Variants in NFATC2 observed in about 807,000 individuals in gnomAD.
NFATC2 encodes the protein nuclear factor of activated T cells 2, also known as nuclear factor of activated T-cells, cytoplasmic 2.
NFATC2 carries 22 observed loss-of-function variants against 87.3 expected under a neutral mutation model. The observed-to-expected ratio is 0.25, with a 90% confidence interval of 0.18 to 0.36. The LOEUF is 0.36. NFATC2 is among the 10% of genes least tolerant of loss of function. The probability of loss-of-function intolerance (pLI) is 1.00; values close to 1 mark genes in which losing one functional copy is unlikely to be tolerated. For synonymous variants in NFATC2, 565 were observed against 542.2 expected, an observed-to-expected ratio of 1.04 and a Z score of -0.58; for missense variants, 1,149 against 1,259.1, an observed-to-expected ratio of 0.91 and a Z score of 1.32.
At chr20:51,554,765 G>GAGTATC (rs1315748016) in intron 1 of NFATC2, among the ~76,000 whole-genome samples, 1 of 152,174 alleles carries the variant, frequency 6.6e-6, no homozygotes, top group Admixed American at 6.5e-5. Context: ...ACTGAGTCAT[G>GAGTATC]CTATTCCTGG....
intron 3 of NFATC2, among the ~76,000 whole-genome samples, chr20:51,504,521 T>C (rs566620722): frequency 6.6e-6 from 1 of 152,318 alleles, no homozygotes; most frequent in South Asian, 2.1e-4. Context: ...CGTTAAAGAT[T>C]TCCATTTCTT....
chr20:51,555,161 C>A (rs2076966767), intron 1 of NFATC2, among the ~76,000 whole-genome samples: 2 of 152,208 alleles, frequency 1.3e-5, no homozygotes, highest in African/African-American at 2.4e-5. Flanking sequence ...AGCATTCACT[C>A]TTACCTGGCT....
At chr20:51,479,628 A>T (rs561241402) in intron 3 of NFATC2, among the ~76,000 whole-genome samples, 57 of 152,220 alleles carry the variant, frequency 3.7e-4, no homozygotes, top group African/African-American at 1.2e-3. Flanking sequence ...TCAAACAAAT[A>T]AACCAACAAA....
At chr20:51,538,732 T>C (rs1227063031) in intron 1 of NFATC2, among the ~76,000 whole-genome samples, 1 of 152,180 alleles carries the variant, frequency 6.6e-6, no homozygotes, top group Non-Finnish European at 1.5e-5. Context: ...TAGTAACAGA[T>C]CACATGCTGT....
intron 10 of NFATC2, among the ~76,000 whole-genome samples, chr20:51,397,619 C>T (rs1987369256): frequency 6.6e-6 from 1 of 152,096 alleles, no homozygotes; most frequent in Non-Finnish European, 1.5e-5. Context: ...CTGAGGGACT[C>T]CCCAGGAGCC....
At chr20:51,487,790 G>A (rs1472267954) in intron 3 of NFATC2, among the ~76,000 whole-genome samples, 1 of 149,450 alleles carries the variant, frequency 6.7e-6, no homozygotes, top group Non-Finnish European at 1.5e-5. Context: ...AAAATTCTGA[G>A]TCACTTTTGC....
chr20:51,549,506 GC>G (rs1355984505), intron 1 of NFATC2, among the ~76,000 whole-genome samples: 7 of 152,354 alleles, frequency 4.6e-5, no homozygotes, highest in Admixed American at 3.9e-4. Flanking sequence ...TGACTTTCCT[GC>G]TGAAGGTCAA....
chr20:51,422,850 T>C (rs957237060), intron 9 of NFATC2, among the ~76,000 whole-genome samples: 13 of 152,184 alleles, frequency 8.5e-5, no homozygotes, highest in African/African-American at 2.9e-4. Flanking sequence ...GCACAGAGAA[T>C]AATCTAGTGT....
intron 5 of NFATC2, among the ~76,000 whole-genome samples, chr20:51,470,113 G>A (rs1988064190): frequency 6.6e-6 from 1 of 152,180 alleles, no homozygotes; most frequent in Admixed American, 6.5e-5. Context: ...CCTTGCAGCT[G>A]CTGTCTATCA....
chr20:51,542,527 C>CCGGGGG lies in NFATC2; in HGVS notation c.-34_-29dup. 2 of 1,374,410 alleles carry CCGGGGG rather than the reference C, an allele frequency of 1.5e-6. No individual in the cohort carries two copies. Among genetic ancestry groups the CCGGGGG allele is most frequent in the Non-Finnish European group, 1.9e-6 (2 of 1,066,754 alleles). The allele number at this position is 1,374,410 out of a possible 1,614,324, so 85.1% of individuals were successfully genotyped here. ...CGCGCAGGGCGGGAAGGCTGCGGGG[C>CCGGGGG]CGGGGGCGAGGGCGGGCGCGGCTGG... is the stretch of plus-strand genomic sequence containing the variant. On this transcript the variant is annotated 5_prime_UTR_variant, in exon 1 of 11. Transcript: ENST00000371564.
In NFATC2 at chr20:51,536,609, A is replaced by G. The variant is rs368407865; in HGVS notation, c.130+5761T>C. 5.3e-5 allele frequency among the ~76,000 whole-genome samples: 8 copies of G among 152,300 alleles called. 1 individual carries two copies. Among genetic ancestry groups the G allele is most frequent in the East Asian group, 1.9e-4 (1 of 5,176 alleles). ...TTAGGAGCCTCTACTCCTGATCAAA[A>G]TCTATGCCACCAAAAGAACACAGGG... On this transcript the variant is annotated intron_variant, in intron 1 of 10. Coordinates refer to ENST00000371564, the MANE Select transcript of NFATC2 (RefSeq NM_012340.5).
intron 2 of NFATC2, among the ~76,000 whole-genome samples, chr20:51,518,404 G>A (rs2076388439): frequency 6.6e-6 from 1 of 152,118 alleles, no homozygotes; most frequent in East Asian, 1.9e-4. Flanking sequence ...GGGGAGCCCA[G>A]GGGGTAGCAC....
intron 5 of NFATC2, among the ~76,000 whole-genome samples, chr20:51,469,215 C>A (rs757320366): frequency 2.0e-5 from 3 of 152,098 alleles, no homozygotes; most frequent in Non-Finnish European, 4.4e-5. Context: ...TGGGTTTTCA[C>A]CATGTTAGTC....
intron 2 of NFATC2, among the ~76,000 whole-genome samples, chr20:51,518,427 C>A (rs1227159838): frequency 6.6e-6 from 1 of 152,206 alleles, no homozygotes; most frequent in Non-Finnish European, 1.5e-5. Context: ...CCATAAACTT[C>A]ATCTGTGCCA....
intron 9 of NFATC2, among the ~76,000 whole-genome samples, chr20:51,411,222 G>A (rs571328953): frequency 7.9e-5 from 12 of 152,182 alleles, no homozygotes; most frequent in Non-Finnish European, 1.5e-4. Flanking sequence ...GCCGAGCAAT[G>A]ATTTGCATCC....
chr20:51,486,753 A>G (rs1989742917), intron 3 of NFATC2, among the ~76,000 whole-genome samples: 1 of 152,058 alleles, frequency 6.6e-6, no homozygotes, highest in South Asian at 2.1e-4. Context: ...CGAGTGATTC[A>G]TTCTCCAGCG....
intron 10 of NFATC2, among the ~76,000 whole-genome samples, chr20:51,393,962 T>C (rs932185603): frequency 3.7e-5 from 5 of 134,222 alleles, no homozygotes; most frequent in Admixed American, 3.5e-4. Context: ...TCTTCTTGGA[T>C]GGAAATGGTC....
chr20:51,412,061 C>A (rs569225875), intron 9 of NFATC2, among the ~76,000 whole-genome samples: 36 of 152,320 alleles, frequency 2.4e-4, no homozygotes, highest in African/African-American at 7.2e-4. Context: ...CATTATCACA[C>A]CCACCCAGCA....
chr20:51,464,022 C>G (rs761437770), intron 5 of NFATC2, among the ~76,000 whole-genome samples: 106 of 152,220 alleles, frequency 7.0e-4, no homozygotes, highest in African/African-American at 1.1e-3. Flanking sequence ...TCAGGTGGCC[C>G]ACCCCACTGG....
Sources: gnomAD v4.1 joint callset for allele counts (sites outside exome capture counted in the v4.1 genomes callset) on GRCh38, gnomAD v4.1.1 for gene constraint, MANE v1.5 for transcripts, NCBI Gene and HGNC (gene_info 2026-07-23, HGNC 2026-07-21) for gene names.